The following DPP6 variants were observed in gnomAD, a reference collection of about 807,000 sequenced individuals.
DPP6 encodes the protein A-type potassium channel modulatory protein DPP6.
In DPP6, 69 loss-of-function variants were observed where a neutral mutation model predicts 122.6. The observed-to-expected ratio is 0.56, with a 90% CI of 0.46 to 0.69. The LOEUF (loss-of-function observed/expected upper bound fraction) is 0.69, where lower values mean the gene tolerates loss of function less well. Among genes scored for constraint, DPP6 ranks in the 30% least tolerant of loss-of-function variants. The pLI is 0.00. For missense variants in DPP6, 928 were observed against 1,116.9 expected, an observed-to-expected ratio of 0.83 and a Z score of 2.41; for synonymous variants, 418 against 433.1, an observed-to-expected ratio of 0.97 and a Z score of 0.43.
the DPP6 span, among the ~76,000 whole-genome samples, chr7:153,858,420 G>A: frequency 6.6e-6 from 1 of 152,190 alleles, no homozygotes; most frequent in Non-Finnish European, 1.5e-5. Context: ...TGTTTCTCCA[G>A]GGAAATATCT....
intron 22 of DPP6, among the ~76,000 whole-genome samples, 157 bp downstream of exon 22, chr7:154,885,901 G>A (rs533936608): frequency 6.6e-6 from 1 of 152,298 alleles, no homozygotes; most frequent in African/African-American, 2.4e-5. Flanking sequence ...GAAGAACCCG[G>A]GGAAGGAGAG....
At chr7:154,125,286 A>G (rs1389524267) in intron 1 of DPP6, among the ~76,000 whole-genome samples, 20 of 152,264 alleles carry the variant, frequency 1.3e-4, no homozygotes, top group Admixed American at 1.3e-3. Flanking sequence ...GTGAAAACTC[A>G]TTCTTCGAAG....
At chr7:154,111,080 C>T (rs1806536726) in intron 1 of DPP6, among the ~76,000 whole-genome samples, 1 of 152,172 alleles carries the variant, frequency 6.6e-6, no homozygotes, top group South Asian at 2.1e-4. Flanking sequence ...CCTAAAAATC[C>T]ATCCTTTCAA....
At chr7:154,165,261 G>T (rs2150716433) in intron 1 of DPP6, among the ~76,000 whole-genome samples, 1 of 145,480 alleles carries the variant, frequency 6.9e-6, no homozygotes, top group East Asian at 2.0e-4. Context: ...GCGGTGTTTG[G>T]TTTTTTGTTC....
intron 1 of DPP6, among the ~76,000 whole-genome samples, chr7:154,289,236 T>A (rs1441593578): frequency 1.3e-5 from 2 of 152,208 alleles, no homozygotes; most frequent in Non-Finnish European, 1.5e-5. Context: ...GGAAAAATAT[T>A]TCCGAGACTT....
intron 3 of DPP6, among the ~76,000 whole-genome samples, chr7:154,523,269 A>G (rs1207442097): frequency 6.6e-6 from 1 of 152,222 alleles, no homozygotes; most frequent in African/African-American, 2.4e-5. Context: ...CTCTACAGAA[A>G]AGTAGAAAAC....
intron 8 of DPP6, among the ~76,000 whole-genome samples, chr7:154,734,014 T>G (rs1042830556): frequency 3.3e-5 from 5 of 152,268 alleles, no homozygotes; most frequent in African/African-American, 1.2e-4. Context: ...CAGAGCCAGT[T>G]GTGACCATCG....
intron 1 of DPP6, among the ~76,000 whole-genome samples, chr7:154,107,097 G>T (rs1259454571): frequency 6.6e-6 from 1 of 152,104 alleles, no homozygotes; most frequent in Non-Finnish European, 1.5e-5. Flanking sequence ...TAGAACCAAA[G>T]GAACTGAAAT....
intron 1 of DPP6, among the ~76,000 whole-genome samples, chr7:154,109,031 TGTTGA>T (rs1806366155): frequency 6.6e-6 from 1 of 152,254 alleles, no homozygotes; most frequent in South Asian, 2.1e-4. Flanking sequence ...CATGGGGGTT[TGTTGA>T]ACAGACTCTT....
At chr7:154,161,384 C>A (rs1796974354) in intron 1 of DPP6, among the ~76,000 whole-genome samples, 1 of 152,090 alleles carries the variant, frequency 6.6e-6, no homozygotes, top group South Asian at 2.1e-4. Flanking sequence ...GTAATCCCAG[C>A]TACTTGGGAG....
At chr7:154,635,640 C>T (rs761234700) in intron 5 of DPP6, among the ~76,000 whole-genome samples, 3 of 152,212 alleles carry the variant, frequency 2.0e-5, no homozygotes, top group Non-Finnish European at 4.4e-5. Flanking sequence ...GGGTCAGGAA[C>T]TCGAGAACAT....
At chr7:154,462,642 C>CT (rs1563710025) in intron 2 of DPP6, among the ~76,000 whole-genome samples, 1 of 151,702 alleles carries the variant, frequency 6.6e-6, no homozygotes, top group South Asian at 2.1e-4. Context: ...GAATTACTTT[C>CT]TTTTTTTAAA....
intron 8 of DPP6, among the ~76,000 whole-genome samples, chr7:154,753,346 A>T (rs369623998): frequency 9.2e-5 from 14 of 152,076 alleles, no homozygotes; most frequent in African/African-American, 3.4e-4. Context: ...ACATCCACAC[A>T]CCCAGGGTGA....
At chr7:154,472,316 C>T (rs1186959179) in intron 2 of DPP6, among the ~76,000 whole-genome samples, 2 of 152,184 alleles carry the variant, frequency 1.3e-5, no homozygotes, top group African/African-American at 4.8e-5. Flanking sequence ...TTGTCTGCCA[C>T]GCCAATGCCA....
chr7:154,073,920 A>G (rs868225002), intron 1 of DPP6, among the ~76,000 whole-genome samples: 430 of 152,198 alleles, frequency 2.8e-3, no homozygotes, highest in African/African-American at 9.9e-3. Context: ...TGGGAGGAGG[A>G]GGTTGCAGTG....
chr7:154,776,486 C>G (rs1796580721), intron 10 of DPP6, among the ~76,000 whole-genome samples: 1 of 152,088 alleles, frequency 6.6e-6, no homozygotes, highest in African/African-American at 2.4e-5. Context: ...TCAATTCATC[C>G]CAGTGGAATT....
rs1455583279 is a variant in DPP6, at chr7:154,833,524, C to CA, written c.1667-20255dup. ...TAAATTATTTATTATCTGAAACACT[C>CA]AGAGCAGGACCTGTTGCTGGTAGAC... On this transcript the variant is annotated intron_variant, in intron 16 of 25. Coordinates refer to ENST00000377770, the MANE Select transcript of DPP6 (RefSeq NM_130797.4). The surrounding 1 kb of genome is among the most constrained non-coding windows in gnomAD (Gnocchi z 4.3). Among the ~76,000 whole-genome samples the CA allele has an allele frequency of 6.6e-6, 1 of 152,114 alleles. No homozygotes were observed. Among genetic ancestry groups the CA allele is most frequent in the East Asian group, 1.9e-4 (1 of 5,186 alleles).
intron 1 of DPP6, among the ~76,000 whole-genome samples, chr7:154,018,349 A>G (rs61129976): frequency 0.019 from 2,865 of 152,198 alleles, 95 homozygotes; most frequent in African/African-American, 0.065. Flanking sequence ...TGTAAAAAGC[A>G]GGAGAAAGGC....
chr7:154,661,577 A>G (rs1480305033), intron 6 of DPP6, among the ~76,000 whole-genome samples: 3 of 121,390 alleles, frequency 2.5e-5, no homozygotes, highest in African/African-American at 6.6e-5. Flanking sequence ...GTGAATCACC[A>G]TGGCGTATTG....
Sources: allele counts gnomAD v4.1 joint callset (sites outside exome capture counted in the v4.1 genomes callset), GRCh38; gene constraint gnomAD v4.1.1; non-coding constraint Gnocchi (gnomAD v3.1); transcripts MANE v1.5; gene names NCBI Gene and HGNC (gene_info 2026-07-23, HGNC 2026-07-21).